SCUBE1: variants seen among roughly 807,000 people sequenced by gnomAD.
The protein encoded by SCUBE1 is signal peptide, CUB domain and EGF like domain containing 1.
A neutral mutation model predicts 124.4 loss-of-function variants in SCUBE1; 59 were observed. The ratio of observed to expected loss-of-function variants is 0.47; its 90% CI spans 0.38 to 0.59. The LOEUF is 0.59. Ranked by LOEUF, SCUBE1 falls within the 20% of genes least tolerant of loss-of-function variation. The probability of loss-of-function intolerance (pLI) is 0.00; values close to 1 mark genes in which losing one functional copy is unlikely to be tolerated. For synonymous variants in SCUBE1, 545 were observed against 550.9 expected (o/e 0.99, Z 0.15); for missense variants, 1,150 against 1,371.2 (o/e 0.84, Z 2.55).
chr22:43,292,319 C>T (rs370133352), intron 3 of SCUBE1, among the ~76,000 whole-genome samples: 30 of 152,216 alleles, frequency 2.0e-4, no homozygotes, highest in African/African-American at 6.0e-4. Context: ...GACCAGAGGC[C>T]GCTGGCACAA....
chr22:43,309,941 T>C (rs772249780), intron 3 of SCUBE1, among the ~76,000 whole-genome samples: 1 of 152,202 alleles, frequency 6.6e-6, no homozygotes, highest in Non-Finnish European at 1.5e-5. Context: ...CCCAGGCCAC[T>C]GCAGTGGTTT....
Position 43,198,919 on chromosome 22 carries a change from T to C in SCUBE1, c.*5078A>G, listed in dbSNP as rs1323741719. The C allele has an allele frequency of 8.0e-6, 3 of 372,948 alleles. No homozygotes were observed. Among genetic ancestry groups the C allele is most frequent in the Non-Finnish European group, 1.6e-5 (3 of 190,188 alleles). 23.1% of individuals were successfully genotyped at this position (372,948 alleles called of 1,614,324 possible). ...TTTCCGGGGCAGTTTGTCTGTCTGCTGTCTGGGGCAGTTTGTCTGTCTGTC... is the reference window on the plus strand; with the variant it reads ...TTTCCGGGGCAGTTTGTCTGTCTGCCGTCTGGGGCAGTTTGTCTGTCTGTC... On this transcript the variant is annotated 3_prime_UTR_variant, in exon 22 of 22. Coordinates refer to ENST00000360835, the MANE Select transcript of SCUBE1 (RefSeq NM_173050.5).
intron 10 of SCUBE1, among the ~76,000 whole-genome samples, chr22:43,226,998 A>G (rs1408159490): frequency 5.3e-5 from 8 of 152,248 alleles, no homozygotes; most frequent in African/African-American, 1.9e-4. Flanking sequence ...GACAAGGGGA[A>G]GCTACCAGAG....
chr22:43,288,795 C>T (rs756595785), intron 4 of SCUBE1, among the ~76,000 whole-genome samples: 23 of 152,240 alleles, frequency 1.5e-4, no homozygotes, highest in South Asian at 4.1e-4. Context: ...CCAGCCTCGC[C>T]GGGCAGTGGC....
At position 43,203,421 on chromosome 22, in the gene SCUBE1, T is replaced by A. The variant is rs1921087887; in HGVS notation, c.*576A>T. 6.6e-6 allele frequency: 1 copy of A among 151,126 alleles called. No homozygotes were observed. The highest frequency in any genetic ancestry group is 6.6e-5 in the Admixed American group (1 of 15,146). The allele number at this position is 151,126 out of a possible 1,614,324, so 9.4% of individuals were successfully genotyped here. A position where few individuals can be genotyped will look rare whatever the true frequency, so the allele number is the denominator to read the frequency against. ...ATATAGAGTACTTCATTAAATGTTC[T>A]GTTGAAGGAATGCAGAAACTTCCAG... On this transcript the variant is annotated 3_prime_UTR_variant, in exon 22 of 22. Transcript: ENST00000360835.
chr22:43,262,170 T>C (rs1291935849), intron 5 of SCUBE1, among the ~76,000 whole-genome samples: 4 of 152,226 alleles, frequency 2.6e-5, no homozygotes, highest in Admixed American at 2.0e-4. Flanking sequence ...GATCTTTACA[T>C]TTTATTTTAG....
chr22:43,288,662 T>A (rs112845526), intron 4 of SCUBE1, among the ~76,000 whole-genome samples: 3,296 of 152,342 alleles, frequency 0.022, 63 homozygotes, highest in Middle Eastern at 0.041. Flanking sequence ...CACCACCCGT[T>A]TCTTTCCTCT....
At position 43,218,323 on chromosome 22, in the gene SCUBE1, C is replaced by T. The variant is rs1921929438; in HGVS notation, c.1823G>A (p.Arg608Lys). 25 of 1,613,456 alleles carry T rather than the reference C, an allele frequency of 1.5e-5. No homozygotes were observed. Among genetic ancestry groups the T allele is most frequent in the Non-Finnish European group, 2.0e-5 (24 of 1,180,046 alleles). The part of the protein sequence containing the change: ...VSGTEYEVAQ[R>K]PAKALEGQGA... ...CTGCCCCTCCAGCGCCTTGGCTGGC[C>T]TCTGGGCTACCTCGTACTCAGTGCC... is the stretch of plus-strand genomic sequence containing the variant. Residue 608 changes from arginine to lysine, a missense_variant, in exon 15 of 22, where the codon AGG (arginine) becomes AAG (lysine). Arg to Lys is a conservative substitution (Grantham distance 26). Coordinates refer to ENST00000360835, the MANE Select transcript of SCUBE1 (RefSeq NM_173050.5).
intron 3 of SCUBE1, among the ~76,000 whole-genome samples, chr22:43,299,180 G>T (rs1925676939): frequency 6.6e-6 from 1 of 152,322 alleles, no homozygotes; most frequent in East Asian, 1.9e-4. Flanking sequence ...AAGTCCCTGA[G>T]GTGTTTGGGA....
At chr22:43,307,651 T>C (rs1360283127) in intron 3 of SCUBE1, among the ~76,000 whole-genome samples, 1 of 152,012 alleles carries the variant, frequency 6.6e-6, no homozygotes, top group Non-Finnish European at 1.5e-5. Context: ...TTTGCAGAGG[T>C]AGAGACAGGT....
intron 4 of SCUBE1, among the ~76,000 whole-genome samples, chr22:43,288,539 T>C (rs1215441791): frequency 1.3e-5 from 2 of 152,304 alleles, no homozygotes; most frequent in Middle Eastern, 3.4e-3. Context: ...CCACCCTTTG[T>C]TCAGCTTTTC....
At chr22:43,265,141 G>C (rs138084435) in intron 4 of SCUBE1, among the ~76,000 whole-genome samples, 107 of 152,340 alleles carry the variant, frequency 7.0e-4, no homozygotes, top group African/African-American at 2.5e-3. Flanking sequence ...TGTCACTGGG[G>C]AGCTGATGCA....
At chr22:43,267,916 G>A (rs145775141) in intron 4 of SCUBE1, among the ~76,000 whole-genome samples, 2 of 152,356 alleles carry the variant, frequency 1.3e-5, no homozygotes, top group Non-Finnish European at 2.9e-5. Context: ...AGGGGAAAAG[G>A]TGAACCCTGA....
At chr22:43,302,622 C>T (rs905276648) in intron 3 of SCUBE1, among the ~76,000 whole-genome samples, 17 of 152,232 alleles carry the variant, frequency 1.1e-4, no homozygotes, top group Non-Finnish European at 2.2e-4. Context: ...CCACAGTCCC[C>T]AGCAAGTGAG....
intron 4 of SCUBE1, chr22:43,270,706 C>T (rs1022112080): frequency 7.9e-5 from 12 of 152,268 alleles, no homozygotes; most frequent in African/African-American, 2.9e-4. Context: ...CTGAGTAGGA[C>T]ATGGGAGGCA....
At chr22:43,247,182 A>T (rs1923249525) in intron 6 of SCUBE1, among the ~76,000 whole-genome samples, 1 of 152,236 alleles carries the variant, frequency 6.6e-6, no homozygotes, top group Non-Finnish European at 1.5e-5. Flanking sequence ...GAAGAAGGAA[A>T]GGATGGAAAG....
At chr22:43,243,545 A>T (rs1923089270) in intron 6 of SCUBE1, among the ~76,000 whole-genome samples, 1 of 152,212 alleles carries the variant, frequency 6.6e-6, no homozygotes. Context: ...ATGCCTGGGA[A>T]CAGCTGCAGC....
intron 15 of SCUBE1, among the ~76,000 whole-genome samples, chr22:43,217,141 T>A (rs1921865368): frequency 9.6e-6 from 1 of 104,320 alleles, no homozygotes. Context: ...TCACCTCTTC[T>A]CCAACAGCTT....
At chr22:43,207,706 C>T in intron 20 of SCUBE1, 93 bp from the exon 21 acceptor site, 1 of 991,484 alleles carries the variant, frequency 1.0e-6, no homozygotes, top group East Asian at 2.5e-5. Context: ...CCCTCCTGTG[C>T]TCCAGCCACG....
Sources: gnomAD v4.1 joint callset for allele counts (sites outside exome capture counted in the v4.1 genomes callset) on GRCh38, gnomAD v4.1.1 for gene constraint, MANE v1.5 for transcripts, NCBI Gene and HGNC (gene_info 2026-07-23, HGNC 2026-07-21) for gene names.